Variants in LINGO2 observed in about 807,000 individuals in gnomAD.
LINGO2 encodes leucine rich repeat and Ig domain containing 2.
LINGO2 carries 14 observed loss-of-function variants against 30.6 expected under a neutral mutation model. The ratio of observed to expected loss-of-function variants is 0.46; its 90% confidence interval spans 0.30 to 0.72. The LOEUF (loss-of-function observed/expected upper bound fraction) is 0.72, where lower values mean the gene tolerates loss of function less well. Ranked by LOEUF, LINGO2 falls within the 30% of genes least tolerant of loss-of-function variation. The pLI, the probability that LINGO2 is intolerant of heterozygous loss-of-function variation, is 0.07. For missense variants in LINGO2, 729 were observed against 751.7 expected (o/e 0.97, Z 0.35); for synonymous variants, 317 against 288.5 (o/e 1.10, Z -1.00).
chr9:28,016,593 T>C (rs1375798127), intron 4 of LINGO2, among the ~76,000 whole-genome samples: 1 of 146,766 alleles, frequency 6.8e-6, no homozygotes, highest in Non-Finnish European at 1.5e-5. Context: ...AAGAAATGGA[T>C]AAATCTCTGG....
intron 2 of LINGO2, among the ~76,000 whole-genome samples, chr9:28,428,110 A>C (rs775539820): frequency 1.3e-5 from 2 of 152,116 alleles, no homozygotes; most frequent in South Asian, 4.1e-4. Context: ...ATATTCCTTA[A>C]TCATAAAAAG....
the LINGO2 span, among the ~76,000 whole-genome samples, chr9:28,998,834 G>A: frequency 6.6e-6 from 1 of 151,960 alleles, no homozygotes; most frequent in South Asian, 2.1e-4. Flanking sequence ...TTCACACTCA[G>A]GTTACCATTA....
intron 4 of LINGO2, among the ~76,000 whole-genome samples, chr9:28,071,758 C>G (rs953282084): frequency 1.6e-4 from 25 of 152,020 alleles, no homozygotes; most frequent in African/African-American, 6.0e-4. Flanking sequence ...CTGTCTGTCA[C>G]AGCTCTTTCT....
Position 28,068,574 on chromosome 9 carries a change from T to C in LINGO2, c.-86-56169A>G, listed in dbSNP as rs138009073. Among the ~76,000 whole-genome samples the C allele has an allele frequency of 1.5e-3, 234 of 152,326 alleles. 1 individual carries two copies. Among genetic ancestry groups the C allele is most frequent in the Non-Finnish European group, 8.1e-4 (55 of 68,024 alleles). On this transcript the variant is annotated intron_variant, in intron 4 of 5. Transcript: ENST00000379992. ...ATTCATTCATTTATTCATTCAATAG[T>C]AATCATTACATACTTAGTAGTAATA...
Position 28,537,162 on chromosome 9 carries a change from A to G in LINGO2, c.-364-61137T>C, listed in dbSNP as rs151319434. ...AAGGTACGAAAGAAGCATGAAAAAT[A>G]CTCTCCCAAACAGACCTCAACATCA... On this transcript the variant is annotated intron_variant, in intron 1 of 5. Coordinates refer to ENST00000379992, the Ensembl canonical transcript of LINGO2. 3.9e-3 allele frequency among the ~76,000 whole-genome samples: 586 copies of G among 152,142 alleles called. 2 individuals carry two copies. Among genetic ancestry groups the G allele is most frequent in the Non-Finnish European group, 5.4e-3 (368 of 67,972 alleles).
the LINGO2 span, among the ~76,000 whole-genome samples, chr9:28,838,237 G>A: frequency 7.9e-5 from 12 of 152,084 alleles, no homozygotes; most frequent in Non-Finnish European, 1.8e-4. Flanking sequence ...GAGTCCAACT[G>A]CCTTCTATTA....
At chr9:28,526,237 A>T (rs893737132) in intron 1 of LINGO2, among the ~76,000 whole-genome samples, 1 of 152,152 alleles carries the variant, frequency 6.6e-6, no homozygotes, top group Non-Finnish European at 1.5e-5. Flanking sequence ...ACATCAAGAC[A>T]CGTCCTAATA....
At chr9:28,952,766 C>G in the LINGO2 span, among the ~76,000 whole-genome samples, 1 of 152,114 alleles carries the variant, frequency 6.6e-6, no homozygotes, top group Non-Finnish European at 1.5e-5. Flanking sequence ...AATGTCCCAG[C>G]AGAGATAAGT....
the LINGO2 span, among the ~76,000 whole-genome samples, chr9:28,819,773 T>A: frequency 2.6e-5 from 4 of 152,298 alleles, no homozygotes; most frequent in East Asian, 7.8e-4. Context: ...TAAGTCAGTG[T>A]CCAAATTCAC....
At chr9:28,277,192 G>A (rs1823145385) in intron 4 of LINGO2, among the ~76,000 whole-genome samples, 1 of 151,994 alleles carries the variant, frequency 6.6e-6, no homozygotes, top group South Asian at 2.1e-4. Context: ...TCCTACTTTG[G>A]TAATTCTGGC....
chr9:28,929,044 A>C, the LINGO2 span, among the ~76,000 whole-genome samples: 1 of 152,254 alleles, frequency 6.6e-6, no homozygotes, highest in South Asian at 2.1e-4. Context: ...AAGCAATTTC[A>C]AATTCAACAA....
chr9:28,678,406 C>A, the LINGO2 span, among the ~76,000 whole-genome samples: 11 of 152,228 alleles, frequency 7.2e-5, no homozygotes, highest in Non-Finnish European at 1.2e-4. Context: ...ATGAATACTT[C>A]TTTCTAAATG....
the LINGO2 span, among the ~76,000 whole-genome samples, chr9:28,796,338 T>C: frequency 6.6e-6 from 1 of 152,096 alleles, no homozygotes; most frequent in African/African-American, 2.4e-5. Flanking sequence ...ACTTTGAATA[T>C]ATGTGACCTA....
chr9:28,264,706 A>G (rs984558836), intron 4 of LINGO2, among the ~76,000 whole-genome samples: 7 of 151,958 alleles, frequency 4.6e-5, no homozygotes, highest in Non-Finnish European at 1.0e-4. Flanking sequence ...TTTAGTAAGA[A>G]CAGTGGTACA....
At chr9:29,154,323 G>A in the LINGO2 span, among the ~76,000 whole-genome samples, 4 of 151,922 alleles carry the variant, frequency 2.6e-5, 1 homozygote, top group African/African-American at 4.8e-5. Context: ...GGTGGCGGGC[G>A]CCTGTAGTCC....
At chr9:28,838,150 T>C in the LINGO2 span, among the ~76,000 whole-genome samples, 3 of 152,200 alleles carry the variant, frequency 2.0e-5, no homozygotes, top group East Asian at 5.8e-4. Flanking sequence ...TTCACCCCCA[T>C]TTTGTCCCAA....
intron 4 of LINGO2, among the ~76,000 whole-genome samples, chr9:28,205,872 A>G (rs1426366773): frequency 3.3e-5 from 5 of 152,116 alleles, no homozygotes; most frequent in Admixed American, 6.5e-5. Flanking sequence ...CTGATCTCCA[A>G]TCTACTCTAG....
the LINGO2 span, among the ~76,000 whole-genome samples, chr9:28,729,763 A>G: frequency 6.6e-6 from 1 of 152,068 alleles, no homozygotes; most frequent in Non-Finnish European, 1.5e-5. Context: ...AGAAATTCCA[A>G]AAAGAAAGAA....
intron 2 of LINGO2, among the ~76,000 whole-genome samples, chr9:28,378,278 T>A (rs1323198859): frequency 6.6e-6 from 1 of 152,194 alleles, no homozygotes. Flanking sequence ...TTTAGTTCTA[T>A]CTTTAATTGT....
Sources: allele counts gnomAD v4.1 joint callset (sites outside exome capture counted in the v4.1 genomes callset), GRCh38; gene constraint gnomAD v4.1.1; transcripts MANE v1.5; gene names NCBI Gene and HGNC (gene_info 2026-07-23, HGNC 2026-07-21).